Variants in AHDC1 observed in about 807,000 individuals in gnomAD.
AHDC1 encodes transcription factor Gibbin.
Under a neutral mutation model 87.9 loss-of-function variants are expected in AHDC1, and 7 were observed. The observed-to-expected ratio is 0.08, with a 90% confidence interval of 0.05 to 0.15. The LOEUF (loss-of-function observed/expected upper bound fraction) is 0.15. Ranked by LOEUF, AHDC1 falls within the 10% of genes least tolerant of loss-of-function variation. The pLI is 1.00. For synonymous variants in AHDC1, 1,051 were observed against 1,006.8 expected (o/e 1.04, Z -0.83); for missense variants, 1,841 against 2,253.2 (o/e 0.82, Z 3.70).
intron 3 of AHDC1, among the ~76,000 whole-genome samples, chr1:27,575,039 G>A (rs2088673038): frequency 6.6e-6 from 1 of 152,214 alleles, no homozygotes; most frequent in East Asian, 1.9e-4. Context: ...GAGGCGGGGC[G>A]GGGGTGCTGC....
Position 27,546,703 on chromosome 1 carries a change from CAG to C in AHDC1, c.*43+556_*43+557del, listed in dbSNP as rs551210957. ...TTTGGACCATCCTGTGAAGCCCTTGCAGAGTGTGTGACCACGCCACACTGGCC... is the reference window on the plus strand; with the variant it reads ...TTTGGACCATCCTGTGAAGCCCTTGCAGTGTGTGACCACGCCACACTGGCC... On this transcript the variant is annotated intron_variant, in intron 8 of 8. Coordinates refer to ENST00000673934, the MANE Select transcript of AHDC1 (RefSeq NM_001371928.1). Among the ~76,000 whole-genome samples, 55 of 152,310 alleles carry C rather than the reference CAG, an allele frequency of 3.6e-4. 1 individual carries two copies. In the South Asian group the frequency reaches 0.011, roughly 30 times the overall value.
intron 5 of AHDC1, among the ~76,000 whole-genome samples, chr1:27,554,034 T>C (rs146415881): frequency 0.014 from 2,113 of 152,262 alleles, 15 homozygotes; most frequent in Middle Eastern, 0.031. Flanking sequence ...GTGCCATTGT[T>C]CTCCAGCCTG....
At chr1:27,555,106 A>G (rs2148315002) in intron 5 of AHDC1, among the ~76,000 whole-genome samples, 1 of 152,344 alleles carries the variant, frequency 6.6e-6, no homozygotes, top group South Asian at 2.1e-4. Context: ...GTCTAATTTA[A>G]GGCTGGGAGG....
chr1:27,546,811 C>T (rs1216404285), intron 8 of AHDC1, among the ~76,000 whole-genome samples: 4 of 152,182 alleles, frequency 2.6e-5, no homozygotes, highest in Middle Eastern at 6.3e-3. Context: ...CAGGGCTGGT[C>T]CTCTGGATAG....
rs993517417 is a variant in AHDC1 at position 27,593,383 on chromosome 1, C to T, written c.-629+10014G>A. 3.3e-5 allele frequency among the ~76,000 whole-genome samples: 5 copies of T among 152,212 alleles called. No individual in the cohort carries two copies. The highest frequency in any genetic ancestry group is 7.2e-5 in the African/African-American group (3 of 41,448). On this transcript the variant is annotated intron_variant, in intron 3 of 8. Transcript: ENST00000673934. The surrounding 1 kb of genome is among the most constrained non-coding windows in gnomAD (Gnocchi z 4.9). ...CTGCAGTGAATGCCCCAGAGTCTACCGCAGTGTGCCCACTGCTGCCGCCAC... is the reference window on the plus strand; with the variant it reads ...CTGCAGTGAATGCCCCAGAGTCTACTGCAGTGTGCCCACTGCTGCCGCCAC...
intron 3 of AHDC1, among the ~76,000 whole-genome samples, chr1:27,574,368 G>A (rs143393051): frequency 6.6e-6 from 1 of 150,750 alleles, no homozygotes; most frequent in East Asian, 1.9e-4. Flanking sequence ...TCACACGGGT[G>A]CCCTTCATTT....
rs1003330765 is a variant in AHDC1, at chr1:27,552,074, G to A, written c.42C>T (p.Ala14=). The A allele has an allele frequency of 1.1e-5, 16 of 1,490,416 alleles. No homozygotes were observed. The highest frequency in any genetic ancestry group is 2.8e-5 in the African/African-American group (2 of 70,722). 92.3% of individuals were successfully genotyped at this position (1,490,416 alleles called of 1,614,324 possible). A position where few individuals can be genotyped will look rare whatever the true frequency, so the allele number is the denominator to read the frequency against. ...KPQGLVVTSS[A]VCSSPDYLRE... Reference sequence around the variant, plus strand: ...GGAGGTAGTCAGGAGAGCTGCACACGGCACTGGAAGTCACCACCAGGCCCT... The same window carrying A: ...GGAGGTAGTCAGGAGAGCTGCACACAGCACTGGAAGTCACCACCAGGCCCT... The change falls in exon 8 of 9, where the codon GCC becomes GCT. Residue 14 remains alanine, a synonymous_variant. Transcript: ENST00000673934.
intron 3 of AHDC1, among the ~76,000 whole-genome samples, chr1:27,576,654 G>T (rs1181094917): frequency 6.6e-6 from 1 of 152,182 alleles, no homozygotes; most frequent in Admixed American, 6.5e-5. Flanking sequence ...CCTGACACAG[G>T]CAGGACAAGC....
intron 3 of AHDC1, among the ~76,000 whole-genome samples, chr1:27,594,686 A>T (rs1421298053): frequency 6.6e-6 from 1 of 150,820 alleles, no homozygotes; most frequent in Non-Finnish European, 1.5e-5. Flanking sequence ...TGGGCAGCAG[A>T]GAGAGAGAGA....
At position 27,562,960 on chromosome 1, in the gene AHDC1, G is replaced by A. The variant is rs992207302; in HGVS notation, c.-628-4077C>T. On this transcript the variant is annotated intron_variant, in intron 3 of 8. Transcript: ENST00000673934. This position sits in a 1 kb window ranked among gnomAD's most constrained non-coding sequence, Gnocchi z 4.4. Reference sequence around the variant, plus strand: ...ACGGGATGAACTAAGCACATAACCTGTCGCTTCCTCCAAACATGAGATGGG... The same window carrying A: ...ACGGGATGAACTAAGCACATAACCTATCGCTTCCTCCAAACATGAGATGGG... Among the ~76,000 whole-genome samples the A allele has an allele frequency of 4.0e-4, 61 of 152,182 alleles. No individual in the cohort carries two copies. The highest frequency in any genetic ancestry group is 1.4e-3 in the African/African-American group (60 of 41,510).
intron 5 of AHDC1, among the ~76,000 whole-genome samples, chr1:27,555,053 C>T (rs1451058681): frequency 6.6e-6 from 1 of 152,236 alleles, no homozygotes; most frequent in Admixed American, 6.5e-5. Context: ...GCTCCTGTAA[C>T]AATCCTTCAG....
intron 3 of AHDC1, among the ~76,000 whole-genome samples, chr1:27,567,292 C>T (rs2020363113): frequency 6.6e-6 from 1 of 152,156 alleles, no homozygotes; most frequent in South Asian, 2.1e-4. Flanking sequence ...GCCAAGGCGA[C>T]GGTGGGTCAG....
Position 27,598,828 on chromosome 1 carries a change from C to T in AHDC1, c.-629+4569G>A, listed in dbSNP as rs1474928736. Among the ~76,000 whole-genome samples the T allele has an allele frequency of 6.6e-6, 1 of 152,170 alleles. No individual in the cohort carries two copies. The highest frequency in any genetic ancestry group is 1.5e-5 in the Non-Finnish European group (1 of 68,014). ...GCCTGCCCAAGCCCCCCAACACCAG[C>T]ATCCACCGTCATGACATGAACGCAG... On this transcript the variant is annotated intron_variant, in intron 3 of 8. Coordinates refer to ENST00000673934, the MANE Select transcript of AHDC1 (RefSeq NM_001371928.1). The surrounding 1 kb of genome is among the most constrained non-coding windows in gnomAD (Gnocchi z 4.2).
At position 27,549,441 on chromosome 1, in the gene AHDC1, C is replaced by A; in HGVS notation, c.2675G>T (p.Gly892Val). 6.2e-7 allele frequency: 1 copy of A among 1,612,822 alleles called. No individual in the cohort carries two copies. Among genetic ancestry groups the A allele is most frequent in the Non-Finnish European group, 8.5e-7 (1 of 1,179,814 alleles). ...QRGLATFPSR[G>V]AKASPVAVGS... ...CACTGCCACTGGGCTGGCCTTGGCT[C>A]CCCGGCTAGGGAAGGTGGCCAGGCC... Residue 892 changes from glycine to valine, a missense_variant, in exon 8 of 9, where the codon GGA becomes GTA. By Grantham distance (109) the Gly-to-Val change is moderately radical. This residue lies in a region of AHDC1 where 378 missense variants were observed against 399.0 expected (regional missense o/e 0.95). Coordinates refer to ENST00000673934, the MANE Select transcript of AHDC1 (RefSeq NM_001371928.1).
At chr1:27,602,544 G>A (rs573743986) in intron 3 of AHDC1, among the ~76,000 whole-genome samples, 1 of 152,174 alleles carries the variant, frequency 6.6e-6, no homozygotes, top group East Asian at 1.9e-4. Context: ...CTCTGCCCGG[G>A]GACCCAGACC....
At chr1:27,580,251 C>G (rs2088867941) in intron 3 of AHDC1, among the ~76,000 whole-genome samples, 1 of 152,164 alleles carries the variant, frequency 6.6e-6, no homozygotes, top group South Asian at 2.1e-4. Flanking sequence ...CCACCTCCAC[C>G]CCTTCCCAGC....
intron 3 of AHDC1, among the ~76,000 whole-genome samples, chr1:27,599,699 CTT>C (rs1232754533): frequency 6.6e-6 from 1 of 152,166 alleles, no homozygotes; most frequent in Non-Finnish European, 1.5e-5. Flanking sequence ...ACCTGGGTGT[CTT>C]TTGGCACAGA....
In AHDC1 at chr1:27,547,685, C is replaced by A. The variant is rs758589491; in HGVS notation, c.4431G>T (p.Pro1477=). The A allele has an allele frequency of 4.4e-6, 7 of 1,594,146 alleles. No individual in the cohort carries two copies. In the Admixed American group the frequency reaches 8.6e-5, roughly 20 times the overall value. ...WYPPGSAARS[P]PYEGKVGTGL... is the part of the protein sequence containing the mutation. Reference sequence around the variant, plus strand: ...CTGTACCCACCTTGCCTTCATAGGGCGGGCTGCGGGCAGCTGAGCCTGGAG... The same window carrying A: ...CTGTACCCACCTTGCCTTCATAGGGAGGGCTGCGGGCAGCTGAGCCTGGAG... Residue 1477 remains proline (P), a synonymous_variant, in exon 8 of 9, where the codon CCG becomes CCT. Transcript: ENST00000673934. The surrounding 1 kb of genome is among the most constrained non-coding windows in gnomAD (Gnocchi z 4.9).
intron 3 of AHDC1, among the ~76,000 whole-genome samples, chr1:27,583,030 T>C (rs1165673809): frequency 6.6e-6 from 1 of 152,170 alleles, no homozygotes; most frequent in Non-Finnish European, 1.5e-5. Context: ...GACGAGTAGC[T>C]GGGATTACAG....
Sources: gnomAD v4.1 joint callset for allele counts (sites outside exome capture counted in the v4.1 genomes callset) on GRCh38, gnomAD v4.1.1 for gene constraint, gnomAD v4.1.1 regional missense constraint, Gnocchi (gnomAD v3.1) non-coding constraint, MANE v1.5 for transcripts, NCBI Gene and HGNC (gene_info 2026-07-23, HGNC 2026-07-21) for gene names.